The following GAGE10 variants were observed in gnomAD, a reference collection of about 807,000 sequenced individuals.
GAGE10 encodes the protein G antigen 10.
In GAGE10, 9 loss-of-function variants were observed where a neutral mutation model predicts 11.5. The observed-to-expected ratio is 0.78, with a 90% CI of 0.47 to 1.37. GAGE10 has a LOEUF of 1.37. GAGE10 is among the 40% of genes most tolerant of loss of function. The pLI is 0.00. For missense variants in GAGE10, 83 were observed against 92.9 expected (o/e 0.89, Z 0.44); for synonymous variants, 23 against 29.7 (o/e 0.77, Z 0.73).
chrX:49,309,033 C>CG (rs1234821547), intron 3 of GAGE10, among the ~76,000 whole-genome samples: 1 of 111,753 alleles, frequency 8.9e-6, no homozygotes, highest in African/African-American at 3.3e-5. Flanking sequence ...GAGGCAAGTG[C>CG]GGGGGAAATC....
rs782696385 is a variant in GAGE10 at position 49,317,154 on chromosome X, A to C, written c.203-9A>C. The C allele has an allele frequency of 8.4e-7, 1 of 1,195,168 alleles. No homozygotes were observed. The highest frequency in any genetic ancestry group is 1.8e-5 in the African/African-American group (1 of 56,305). ...CTGCTTAAATTGATATGTATTTTTTATTTTTAATGGCCGAAGCCTGAAGCT... is the reference window on the plus strand; with the variant it reads ...CTGCTTAAATTGATATGTATTTTTTCTTTTTAATGGCCGAAGCCTGAAGCT... On this transcript the variant is annotated splice_polypyrimidine_tract_variant and intron_variant, in intron 3 of 4. Transcript: ENST00000407599.
intron 3 of GAGE10, among the ~76,000 whole-genome samples, chrX:49,306,508 G>T (rs781885230): frequency 6.4e-4 from 72 of 112,148 alleles, no homozygotes; most frequent in African/African-American, 2.3e-3. Context: ...ATGACTGTAA[G>T]ATTTTCCATA....
At chrX:49,313,830 C>T (rs1245345222) in intron 3 of GAGE10, among the ~76,000 whole-genome samples, 7 of 111,313 alleles carry the variant, frequency 6.3e-5, no homozygotes, top group Admixed American at 2.9e-4. Flanking sequence ...ACCCAACCAC[C>T]GGTAAGAAGG....
At chrX:49,304,002 G>A (rs375402099) in intron 1 of GAGE10, among the ~76,000 whole-genome samples, 41 of 112,292 alleles carry the variant, frequency 3.7e-4, no homozygotes, top group African/African-American at 1.3e-3. Flanking sequence ...CCAGGACAAG[G>A]AGGAAGGTGG....
At chrX:49,311,197 G>A (rs1292833813) in intron 3 of GAGE10, among the ~76,000 whole-genome samples, 17 of 111,835 alleles carry the variant, frequency 1.5e-4, no homozygotes, top group African/African-American at 4.9e-4. Context: ...GCCCTGGTAC[G>A]AGTCCGTCAA....
intron 3 of GAGE10, among the ~76,000 whole-genome samples, chrX:49,312,131 T>G (rs1557124780): frequency 2.7e-5 from 3 of 111,989 alleles, no homozygotes; most frequent in African/African-American, 9.7e-5. Flanking sequence ...GCCGGGAAGA[T>G]CTCAGAGATA....
chrX:49,307,846 A>G (rs1196191209), intron 3 of GAGE10, among the ~76,000 whole-genome samples: 1 of 111,711 alleles, frequency 9.0e-6, no homozygotes, highest in Non-Finnish European at 1.9e-5. Context: ...AAGAAAACCC[A>G]ATTTCCCCTG....
intron 3 of GAGE10, among the ~76,000 whole-genome samples, chrX:49,313,474 G>A (rs782204435): frequency 8.9e-6 from 1 of 111,872 alleles, no homozygotes; most frequent in Non-Finnish European, 1.9e-5. Context: ...AAAGGAGTTA[G>A]GAGAGTTAAC....
At chrX:49,309,343 C>T (rs1376318062) in intron 3 of GAGE10, among the ~76,000 whole-genome samples, 1 of 112,474 alleles carries the variant, frequency 8.9e-6, no homozygotes, top group African/African-American at 3.2e-5. Flanking sequence ...TTAGAATAGC[C>T]CTCTTTTAGT....
At chrX:49,313,613 A>G (rs1383593241) in intron 3 of GAGE10, among the ~76,000 whole-genome samples, 1 of 111,830 alleles carries the variant, frequency 8.9e-6, no homozygotes, top group African/African-American at 3.3e-5. Context: ...GTCTGGGTTA[A>G]AAGGTGGAAT....
intron 3 of GAGE10, among the ~76,000 whole-genome samples, chrX:49,316,709 G>C (rs1382172498): frequency 1.8e-5 from 2 of 112,011 alleles, no homozygotes; most frequent in Non-Finnish European, 3.8e-5. Flanking sequence ...CATTTTTGAA[G>C]AGGATAGACC....
chrX:49,313,557 T>A (rs2066382167), intron 3 of GAGE10, among the ~76,000 whole-genome samples: 1 of 111,788 alleles, frequency 8.9e-6, no homozygotes, highest in African/African-American at 3.3e-5. Context: ...AAAGGATACC[T>A]GTAAGTCTAA....
chrX:49,314,000 A>G (rs1366729555), intron 3 of GAGE10, among the ~76,000 whole-genome samples: 1 of 112,037 alleles, frequency 8.9e-6, no homozygotes. Flanking sequence ...ATGTAAATAC[A>G]ATTTATAAGC....
intron 3 of GAGE10, among the ~76,000 whole-genome samples, chrX:49,312,859 C>A (rs1314286505): frequency 8.9e-6 from 1 of 112,538 alleles, no homozygotes; most frequent in South Asian, 3.6e-4. Context: ...CTATGTGCCA[C>A]GGCTCTCTGC....
chrX:49,308,798 C>T (rs1557124427), intron 3 of GAGE10, among the ~76,000 whole-genome samples: 2 of 111,126 alleles, frequency 1.8e-5, no homozygotes. Flanking sequence ...GAGAGAGGCT[C>T]GTTTCGTCTG....
At chrX:49,313,990 A>G (rs2066383343) in intron 3 of GAGE10, among the ~76,000 whole-genome samples, 1 of 112,238 alleles carries the variant, frequency 8.9e-6, no homozygotes, top group Admixed American at 9.4e-5. Context: ...GGATAATTAA[A>G]TGTAAATACA....
At chrX:49,305,056 A>G in intron 2 of GAGE10, 116 bp downstream of exon 2, 1 of 1,012,440 alleles carries the variant, frequency 9.9e-7, no homozygotes, top group Non-Finnish European at 1.3e-6. Context: ...ATAAAAAATG[A>G]TGATGGCGTC....
chrX:49,307,598 C>G (rs1289782322), intron 3 of GAGE10, among the ~76,000 whole-genome samples: 1 of 111,005 alleles, frequency 9.0e-6, no homozygotes, highest in Non-Finnish European at 1.9e-5. Context: ...CTTGCCTCAG[C>G]CTCCCATGTA....
chrX:49,319,316 A>G (rs1447375934), intron 4 of GAGE10, among the ~76,000 whole-genome samples: 1 of 112,236 alleles, frequency 8.9e-6, no homozygotes, highest in Admixed American at 9.4e-5. Flanking sequence ...GTAGACACAC[A>G]TACGATATAA....
Sources: gnomAD v4.1 joint callset for allele counts (sites outside exome capture counted in the v4.1 genomes callset) on GRCh38, gnomAD v4.1.1 for gene constraint, MANE v1.5 for transcripts, NCBI Gene and HGNC (gene_info 2026-07-23, HGNC 2026-07-21) for gene names.